Variants in SERPINA11 observed in about 807,000 individuals in gnomAD.
The protein encoded by SERPINA11 is serpin family A member 11.
SERPINA11 carries 28 observed loss-of-function variants against 29.4 expected under a neutral mutation model. The observed-to-expected ratio is 0.95, with a 90% CI of 0.70 to 1.30. The LOEUF is 1.30. Among genes scored for constraint, SERPINA11 ranks in the 50% most tolerant of loss-of-function variants. The pLI is 0.00. For synonymous variants in SERPINA11, 253 were observed against 206.6 expected (o/e 1.22, Z -1.92); for missense variants, 530 against 507.3 (o/e 1.04, Z -0.43).
chr14:94,447,589 G>A (rs943635445), intron 2 of SERPINA11, among the ~76,000 whole-genome samples: 2 of 152,128 alleles, frequency 1.3e-5, no homozygotes, highest in Admixed American at 6.5e-5. Flanking sequence ...CAATTCTAAG[G>A]TTCCCTGAAT....
chr14:94,443,243 C>T lies in SERPINA11; in HGVS notation c.918-18G>A. On this transcript the variant is annotated intron_variant, in intron 3 of 4. Coordinates refer to ENST00000334708, the MANE Select transcript of SERPINA11 (RefSeq NM_001080451.2). ...CCAACAGACTGGAGAGAGAAACAGA[C>T]AGAGAAATGGTGCTCTCTTGTTAAT... 2 of 1,607,556 alleles carry T rather than the reference C, an allele frequency of 1.2e-6. No homozygotes were observed. The highest frequency in any genetic ancestry group is 1.7e-6 in the Non-Finnish European group (2 of 1,176,984).
intron 1 of SERPINA11, 58 bp from the exon 2 acceptor site, chr14:94,448,835 A>G (rs17825331): frequency 0.11 from 157,579 of 1,453,416 alleles, 9,299 homozygotes; most frequent in Middle Eastern, 0.18. Flanking sequence ...ATGATTCTCT[A>G]TTGCTCATAC....
In SERPINA11 at chr14:94,442,931, A is replaced by G. The variant is rs930067283; in HGVS notation, c.1066-122T>C. On this transcript the variant is annotated intron_variant, in intron 4 of 4. Coordinates refer to ENST00000334708, the MANE Select transcript of SERPINA11 (RefSeq NM_001080451.2). ...AGGGGAGGTAGAGAAGGAAAAGCCC[A>G]TGAAGAGATGCCTTAAAGACTGTGG... is the stretch of plus-strand genomic sequence containing the variant. The G allele has an allele frequency of 2.2e-5, 28 of 1,259,756 alleles. No homozygotes were observed. The African/African-American group carries it at 3.3e-4, about 15-fold the overall frequency. 78.0% of individuals were successfully genotyped at this position (1,259,756 alleles called of 1,614,324 possible).
intron 3 of SERPINA11, among the ~76,000 whole-genome samples, chr14:94,444,222 A>C (rs1898394989): frequency 6.6e-6 from 1 of 152,208 alleles, no homozygotes; most frequent in Admixed American, 6.5e-5. Flanking sequence ...CCCAAAACAC[A>C]GTGGATGTTT....
chr14:94,450,168 C>G (rs1024604782), intron 1 of SERPINA11, among the ~76,000 whole-genome samples: 4 of 152,160 alleles, frequency 2.6e-5, no homozygotes, highest in African/African-American at 4.8e-5. Context: ...TGAAACCTCT[C>G]TATTTTTTTT....
chr14:94,448,962 G>A (rs1398504760), intron 1 of SERPINA11, among the ~76,000 whole-genome samples, 185 bp from the exon 2 acceptor site: 1 of 152,214 alleles, frequency 6.6e-6, no homozygotes, highest in Non-Finnish European at 1.5e-5. Context: ...AGTGAAGGTA[G>A]CAACCCTTTA....
chr14:94,445,983 A>G (rs1485276432), intron 3 of SERPINA11, among the ~76,000 whole-genome samples: 4 of 152,100 alleles, frequency 2.6e-5, no homozygotes, highest in Non-Finnish European at 5.9e-5. Context: ...GGGAGAGAGG[A>G]AAGCAAGAGG....
In SERPINA11 at chr14:94,448,218, C is replaced by T. The variant is rs751099762; in HGVS notation, c.557G>A (p.Arg186Lys). 6.2e-6 allele frequency: 10 copies of T among 1,614,220 alleles called. No individual in the cohort carries two copies. Among genetic ancestry groups the T allele is most frequent in the South Asian group, 1.1e-5 (1 of 91,080 alleles). Residue 186 changes from arginine to lysine, a missense_variant, in exon 2 of 5, where the codon AGG becomes AAG. Transcript: ENST00000334708. ...TGRQINDYLR[R>K]QTYGQVVDCL... is the part of the protein sequence containing the mutation. ...GTCCACGACTTGCCCGTATGTTTGC[C>T]TTCTCAAATAGTCATTAATCTGCCT...
In SERPINA11 at chr14:94,446,320, G is replaced by A; in HGVS notation, c.917+11C>T. The stretch of plus-strand genomic sequence containing the variant: ...CAAGGTCAGCCAGCATCCTTCTGCT[G>A]TGACACTTACCTGGGCAGGAGCAAT... On this transcript the variant is annotated intron_variant, in intron 3 of 4. Transcript: ENST00000334708. 2 of 1,609,506 alleles carry A rather than the reference G, an allele frequency of 1.2e-6. No homozygotes were observed. The highest frequency in any genetic ancestry group is 1.3e-5 in the African/African-American group (1 of 74,804).
chr14:94,445,359 C>G (rs1202062339), intron 3 of SERPINA11, among the ~76,000 whole-genome samples: 1 of 152,012 alleles, frequency 6.6e-6, no homozygotes, highest in Non-Finnish European at 1.5e-5. Flanking sequence ...AGATGCACCC[C>G]CAAGAAGGTA....
At chr14:94,443,763 T>C (rs1053451879) in intron 3 of SERPINA11, among the ~76,000 whole-genome samples, 1 of 152,166 alleles carries the variant, frequency 6.6e-6, no homozygotes, top group East Asian at 1.9e-4. Flanking sequence ...CTTGGGGCTG[T>C]TGTGAGGATC....
At chr14:94,451,981 A>G (rs560927364) in intron 1 of SERPINA11, among the ~76,000 whole-genome samples, 1 of 152,202 alleles carries the variant, frequency 6.6e-6, no homozygotes, top group Non-Finnish European at 1.5e-5. Context: ...TATTACATGC[A>G]TTGTAACACT....
At chr14:94,443,005 T>A in intron 4 of SERPINA11, 73 bp downstream of exon 4, 1 of 1,505,658 alleles carries the variant, frequency 6.6e-7, no homozygotes, top group South Asian at 1.3e-5. Flanking sequence ...GACTTTTAAA[T>A]GTCCCACATG....
chr14:94,444,188 G>T lies in SERPINA11; in HGVS notation c.918-963C>A, dbSNP rs554755096. Among the ~76,000 whole-genome samples, 32 of 152,286 alleles carry T rather than the reference G, an allele frequency of 2.1e-4. No individual in the cohort carries two copies. The South Asian group carries it at 5.4e-3, about 26-fold the overall frequency. On this transcript the variant is annotated intron_variant, in intron 3 of 4. Coordinates refer to ENST00000334708, the MANE Select transcript of SERPINA11 (RefSeq NM_001080451.2). ...TGGCTGGGGGGTGGAATAGAGTCTA[G>T]TGGGGCAGGGGTCTGACAGAGAGCC...
At chr14:94,451,395 G>A (rs1348295360) in intron 1 of SERPINA11, among the ~76,000 whole-genome samples, 1 of 152,154 alleles carries the variant, frequency 6.6e-6, no homozygotes, top group South Asian at 2.1e-4. Flanking sequence ...CTCCCAATGT[G>A]GGTTCACTTA....
chr14:94,442,989 G>A, intron 4 of SERPINA11, 89 bp downstream of exon 4: 1 of 1,462,890 alleles, frequency 6.8e-7, no homozygotes, highest in Admixed American at 2.1e-5. Flanking sequence ...AAAGAACAAG[G>A]AACTTGACTT....
intron 1 of SERPINA11, 89 bp from the exon 2 acceptor site, chr14:94,448,866 T>A (rs953323368): frequency 2.3e-6 from 3 of 1,284,200 alleles, no homozygotes; most frequent in Non-Finnish European, 3.1e-6. Context: ...ACCTTCACAA[T>A]GTGCCCCACA....
chr14:94,449,483 G>A (rs5010309), intron 1 of SERPINA11, among the ~76,000 whole-genome samples: 3 of 59,972 alleles, frequency 5.0e-5, no homozygotes, highest in South Asian at 1.1e-3. Flanking sequence ...CTTTCTTTCT[G>A]TCTGTCTGTC....
In SERPINA11 at chr14:94,451,028, G is replaced by A. The variant is rs1351062595; in HGVS notation, c.-4+1701C>T. The stretch of plus-strand genomic sequence containing the variant: ...ACTCTTCCACCGTTCCATTCATTGC[G>A]CAGCAGCTGTGCACTGCTGACCACC... On this transcript the variant is annotated intron_variant, in intron 1 of 4. Transcript: ENST00000334708. Among the ~76,000 whole-genome samples the A allele has an allele frequency of 2.6e-5, 4 of 152,104 alleles. No homozygotes were observed. In the South Asian group the frequency reaches 6.2e-4, roughly 24 times the overall value.
Sources: allele counts gnomAD v4.1 joint callset (sites outside exome capture counted in the v4.1 genomes callset), GRCh38; gene constraint gnomAD v4.1.1; transcripts MANE v1.5; gene names NCBI Gene and HGNC (gene_info 2026-07-23, HGNC 2026-07-21).